Variants in COMMD7 observed in about 807,000 individuals in gnomAD.
COMMD7 encodes the protein COMM domain containing 7.
In COMMD7, 28 loss-of-function variants were observed where a neutral mutation model predicts 34.8. The ratio of observed to expected loss-of-function variants is 0.80; its 90% CI spans 0.60 to 1.10. The LOEUF is 1.10. Among genes scored for constraint, COMMD7 ranks in the 50% least tolerant of loss-of-function variants. The pLI is 0.00. For missense variants in COMMD7, 211 were observed against 241.6 expected (o/e 0.87, Z 0.84); for synonymous variants, 80 against 86.4 (o/e 0.93, Z 0.41).
chr20:32,704,528 AAT>A, intron 6 of COMMD7, 39 bp from the exon 7 acceptor site: 1 of 1,582,510 alleles, frequency 6.3e-7, no homozygotes, highest in Non-Finnish European at 8.6e-7. Context: ...GAGAGAGAGA[AAT>A]AACAAGTGAC....
Position 32,702,714 on chromosome 20 carries a change from T to G in COMMD7, c.*668A>C, listed in dbSNP as rs1414364736. On this transcript the variant is annotated 3_prime_UTR_variant, in exon 9 of 9. Coordinates refer to ENST00000278980, the MANE Select transcript of COMMD7 (RefSeq NM_053041.3). ...GATCCAGACCTTTTCTTCAGAACCT[T>G]TTTATTCATCATCTAACCAACAGAG... 2 of 152,218 alleles carry G rather than the reference T, an allele frequency of 1.3e-5. No individual in the cohort carries two copies. The highest frequency in any genetic ancestry group is 2.9e-5 in the Non-Finnish European group (2 of 68,054). 9.4% of individuals were successfully genotyped at this position (152,218 alleles called of 1,614,324 possible).
At chr20:32,732,833 G>A (rs1372575142) in intron 1 of COMMD7, among the ~76,000 whole-genome samples, 1 of 151,804 alleles carries the variant, frequency 6.6e-6, no homozygotes, top group Non-Finnish European at 1.5e-5. Flanking sequence ...CTACTCGGGA[G>A]GCTGAGGCAG....
chr20:32,716,715 G>A (rs544594657), intron 3 of COMMD7, among the ~76,000 whole-genome samples: 4 of 152,328 alleles, frequency 2.6e-5, no homozygotes, highest in African/African-American at 9.6e-5. Flanking sequence ...GACTGCTTGA[G>A]GCCAGGAGTT....
chr20:32,715,319 C>A (rs1984714225), intron 3 of COMMD7, among the ~76,000 whole-genome samples: 1 of 147,518 alleles, frequency 6.8e-6, no homozygotes, highest in African/African-American at 2.5e-5. Context: ...CCTGTCTCTA[C>A]CAAAAATACA....
chr20:32,733,006 C>A (rs1164079738), intron 1 of COMMD7, among the ~76,000 whole-genome samples: 1 of 150,258 alleles, frequency 6.7e-6, no homozygotes, highest in Non-Finnish European at 1.5e-5. Context: ...GTGGCTGAGG[C>A]GGGCGGATCA....
chr20:32,714,443 T>G (rs1984652980), intron 3 of COMMD7, among the ~76,000 whole-genome samples: 1 of 146,734 alleles, frequency 6.8e-6, no homozygotes, highest in Admixed American at 6.8e-5. Context: ...ATCCCAGCAC[T>G]TTGGGAGGCC....
chr20:32,739,668 A>G (rs1201430245), intron 1 of COMMD7, among the ~76,000 whole-genome samples: 1 of 137,022 alleles, frequency 7.3e-6, no homozygotes, highest in Non-Finnish European at 1.6e-5. Context: ...AAAAAAATAC[A>G]TAAAAGCACT....
At chr20:32,710,736 A>AC (rs1984388687) in intron 3 of COMMD7, among the ~76,000 whole-genome samples, 3 of 151,828 alleles carry the variant, frequency 2.0e-5, no homozygotes, top group Non-Finnish European at 4.4e-5. Context: ...CTCAAAAAAA[A>AC]AAAAAAAAAA....
chr20:32,735,689 C>T (rs1986100556), intron 1 of COMMD7, among the ~76,000 whole-genome samples: 3 of 152,004 alleles, frequency 2.0e-5, no homozygotes, highest in Admixed American at 1.3e-4. Context: ...GGGGGTCTCA[C>T]TCTTTCAGGC....
At position 32,703,295 on chromosome 20, in the gene COMMD7, G is replaced by T; in HGVS notation, c.*87C>A. On this transcript the variant is annotated 3_prime_UTR_variant, in exon 9 of 9. Transcript: ENST00000278980. ...CAGGGCCCCATGGAGCATCCCACAG[G>T]CCTGTGAGTGAAGTGCCTCTCAGAG... 8.2e-7 allele frequency: 1 copy of T among 1,225,588 alleles called. No individual in the cohort carries two copies. Among genetic ancestry groups the T allele is most frequent in the Non-Finnish European group, 1.2e-6 (1 of 850,952 alleles). 75.9% of individuals were successfully genotyped at this position (1,225,588 alleles called of 1,614,324 possible).
At chr20:32,722,373 G>A (rs1480078442) in intron 3 of COMMD7, among the ~76,000 whole-genome samples, 1 of 151,970 alleles carries the variant, frequency 6.6e-6, no homozygotes, top group Non-Finnish European at 1.5e-5. Flanking sequence ...TGGTAGACAG[G>A]TCTCAGCCCT....
intron 6 of COMMD7, 83 bp downstream of exon 6, chr20:32,704,731 C>A: frequency 9.7e-7 from 1 of 1,030,088 alleles, no homozygotes; most frequent in South Asian, 1.3e-5. Flanking sequence ...TAGGTCATGC[C>A]TTCCCCATAG....
chr20:32,712,130 C>T (rs1225943638), intron 3 of COMMD7, among the ~76,000 whole-genome samples: 7 of 151,810 alleles, frequency 4.6e-5, no homozygotes, highest in African/African-American at 9.7e-5. Flanking sequence ...ATTAGCCGGG[C>T]GTGGTGGCAG....
rs1458237865 is a variant in COMMD7 at position 32,727,943 on chromosome 20, C to T, written c.191G>A (p.Ser64Asn). The stretch of plus-strand genomic sequence containing the variant: ...CACGATGCTTCTGAGGGAGCCAAGA[C>T]TGATCTGATTGGTGGTGGCAAATTC... Reference protein sequence around the residue: ...LSEFATTNQISLGSLRSIVKS... With the variant: ...LSEFATTNQINLGSLRSIVKS... Residue 64 changes from serine (S) to asparagine (N), a missense_variant, in exon 3 of 9, where the codon AGT becomes AAT. Coordinates refer to ENST00000278980, the MANE Select transcript of COMMD7 (RefSeq NM_053041.3). The T allele has an allele frequency of 6.2e-7, 1 of 1,614,010 alleles. No homozygotes were observed. Among genetic ancestry groups the T allele is most frequent in the African/African-American group, 1.3e-5 (1 of 74,910 alleles).
At chr20:32,721,085 C>T (rs1295612634) in intron 3 of COMMD7, among the ~76,000 whole-genome samples, 1 of 152,130 alleles carries the variant, frequency 6.6e-6, no homozygotes, top group African/African-American at 2.4e-5. Context: ...ATCTCAGATG[C>T]TGGAAGGGGA....
chr20:32,737,966 A>G (rs1196925398), intron 1 of COMMD7, among the ~76,000 whole-genome samples: 4 of 152,152 alleles, frequency 2.6e-5, no homozygotes, highest in Non-Finnish European at 5.9e-5. Flanking sequence ...AAAAAAGAAA[A>G]AAACTTTGTT....
rs1044806673 is a variant in COMMD7, at chr20:32,725,727, C to T, written c.241+2166G>A. 1.5e-3 allele frequency among the ~76,000 whole-genome samples: 234 copies of T among 152,092 alleles called. 1 individual carries two copies. The highest frequency in any genetic ancestry group is 5.4e-3 in the African/African-American group (225 of 41,510). On this transcript the variant is annotated intron_variant, in intron 3 of 8. Transcript: ENST00000278980. ...ACAGGCGTGAGCCACCACACCTGGC[C>T]GCTCTGTACTGTTTTTGAAAGTTTA...
At chr20:32,740,589 T>C (rs1986388660) in intron 1 of COMMD7, among the ~76,000 whole-genome samples, 1 of 151,998 alleles carries the variant, frequency 6.6e-6, no homozygotes, top group African/African-American at 2.4e-5. Flanking sequence ...CCAGCCATGT[T>C]TGTGTTTTAA....
intron 3 of COMMD7, among the ~76,000 whole-genome samples, chr20:32,725,481 T>TA: frequency 7.0e-6 from 1 of 141,950 alleles, no homozygotes; most frequent in East Asian, 2.0e-4. Flanking sequence ...CAGGCTGGAG[T>TA]GCAGTGGCAC....
Sources: gnomAD v4.1 joint callset for allele counts (sites outside exome capture counted in the v4.1 genomes callset) on GRCh38, gnomAD v4.1.1 for gene constraint, MANE v1.5 for transcripts, NCBI Gene and HGNC (gene_info 2026-07-23, HGNC 2026-07-21) for gene names.